SPIDR: variants seen among roughly 807,000 people sequenced by gnomAD.
SPIDR encodes the protein DNA repair-scaffolding protein.
Under a neutral mutation model 104.6 loss-of-function variants are expected in SPIDR, and 93 were observed. The ratio of observed to expected loss-of-function variants is 0.89; its 90% CI spans 0.75 to 1.06. The LOEUF (loss-of-function observed/expected upper bound fraction) is 1.06, where lower values mean the gene tolerates loss of function less well. Ranked by LOEUF, SPIDR falls within the 50% of genes least tolerant of loss-of-function variation. SPIDR has a pLI of 0.00. For missense variants in SPIDR, 1,154 were observed against 1,111.2 expected, an observed-to-expected ratio of 1.04 and a Z score of -0.55; for synonymous variants, 431 against 416.9, an observed-to-expected ratio of 1.03 and a Z score of -0.41.
intron 5 of SPIDR, among the ~76,000 whole-genome samples, chr8:47,314,360 A>G (rs1266631732): frequency 6.6e-6 from 1 of 152,238 alleles, no homozygotes; most frequent in Admixed American, 6.5e-5. Flanking sequence ...AGCAGAATAT[A>G]AAACAAATGA....
At chr8:47,590,263 T>C (rs1401128358) in intron 8 of SPIDR, among the ~76,000 whole-genome samples, 2 of 152,162 alleles carry the variant, frequency 1.3e-5, no homozygotes, top group Admixed American at 1.3e-4. Flanking sequence ...GAACTTAGAT[T>C]ATTGATTTGA....
chr8:47,670,420 A>G (rs1169920258), intron 10 of SPIDR, among the ~76,000 whole-genome samples: 1 of 152,248 alleles, frequency 6.6e-6, no homozygotes, highest in African/African-American at 2.4e-5. Flanking sequence ...ACAAAACAAG[A>G]TTAGACTATG....
intron 1 of SPIDR, among the ~76,000 whole-genome samples, chr8:47,265,495 G>C (rs1228162137): frequency 6.6e-6 from 1 of 151,976 alleles, no homozygotes; most frequent in Non-Finnish European, 1.5e-5. Flanking sequence ...TGGCCTAGAG[G>C]TTGTCTTATT....
rs2080251077 is a variant in SPIDR at position 47,701,976 on chromosome 8, T to C, written c.1938T>C (p.Arg646=). ...TCCAGATGAATGATCTTGGTACCCGTTGCAGTTTCTATGCCACGGTGATTT... is the reference window on the plus strand; with the variant it reads ...TCCAGATGAATGATCTTGGTACCCGCTGCAGTTTCTATGCCACGGTGATTT... ...DILQMNDLGT[R]CSFYATVIYQ... The change falls in exon 14 of 20, where the codon CGT becomes CGC. Residue 646 remains arginine (R), a synonymous_variant. Transcript: ENST00000297423. The C allele has an allele frequency of 1.2e-6, 2 of 1,613,978 alleles. No homozygotes were observed. The highest frequency in any genetic ancestry group is 1.7e-6 in the Non-Finnish European group (2 of 1,179,998).
intron 5 of SPIDR, among the ~76,000 whole-genome samples, chr8:47,356,439 C>T (rs782012847): frequency 1.3e-5 from 2 of 152,064 alleles, no homozygotes; most frequent in African/African-American, 2.4e-5. Flanking sequence ...CCAAATATGT[C>T]TCCTGATATA....
chr8:47,430,101 G>A (rs1283071812), intron 7 of SPIDR, among the ~76,000 whole-genome samples: 1 of 152,142 alleles, frequency 6.6e-6, no homozygotes, highest in African/African-American at 2.4e-5. Flanking sequence ...ACACTGGTGA[G>A]CCTTCCCAGC....
chr8:47,653,965 G>C, intron 10 of SPIDR: 2 of 1,245,024 alleles, frequency 1.6e-6, no homozygotes, highest in Non-Finnish European at 2.1e-6. Flanking sequence ...GTTTCAGTTT[G>C]ACTTTGAAAA....
chr8:47,697,284 A>T (rs1047976504), intron 11 of SPIDR, among the ~76,000 whole-genome samples: 1 of 138,970 alleles, frequency 7.2e-6, no homozygotes, highest in African/African-American at 2.9e-5. Flanking sequence ...AGACCCTGTT[A>T]AAAAAAAAAA....
At chr8:47,685,339 G>C (rs1017150449) in intron 11 of SPIDR, among the ~76,000 whole-genome samples, 19 of 151,930 alleles carry the variant, frequency 1.3e-4, no homozygotes. Context: ...AGTAAGTCTA[G>C]AATTCAGTAA....
At chr8:47,475,244 G>A (rs531107057) in intron 8 of SPIDR, among the ~76,000 whole-genome samples, 1 of 152,308 alleles carries the variant, frequency 6.6e-6, no homozygotes, top group Admixed American at 6.5e-5. Context: ...GATCTGCTAG[G>A]AAGACAGGCT....
chr8:47,324,835 G>T (rs1359692060), intron 5 of SPIDR, among the ~76,000 whole-genome samples: 1 of 152,176 alleles, frequency 6.6e-6, no homozygotes, highest in Non-Finnish European at 1.5e-5. Context: ...TTCAATAACA[G>T]AACTTTATTT....
intron 5 of SPIDR, among the ~76,000 whole-genome samples, chr8:47,392,788 A>T (rs782646731): frequency 6.6e-6 from 1 of 152,232 alleles, no homozygotes; most frequent in African/African-American, 2.4e-5. Context: ...AAAATTAAAT[A>T]TGCCTATCCA....
intron 6 of SPIDR, among the ~76,000 whole-genome samples, chr8:47,405,120 C>T (rs1344497820): frequency 6.6e-5 from 10 of 151,974 alleles, no homozygotes; most frequent in Admixed American, 2.0e-4. Flanking sequence ...AACCAGACAC[C>T]GCATGTTCTC....
At chr8:47,338,403 A>G (rs782315752) in intron 5 of SPIDR, among the ~76,000 whole-genome samples, 1 of 152,250 alleles carries the variant, frequency 6.6e-6, no homozygotes, top group Admixed American at 6.5e-5. Context: ...TATATATTAC[A>G]GTGGAAGATG....
intron 5 of SPIDR, among the ~76,000 whole-genome samples, chr8:47,335,723 A>G (rs2049570572): frequency 6.6e-6 from 1 of 152,214 alleles, no homozygotes; most frequent in South Asian, 2.1e-4. Flanking sequence ...AGTGGGGATT[A>G]CAGGCGTGAG....
intron 5 of SPIDR, among the ~76,000 whole-genome samples, chr8:47,345,522 G>A (rs2051767974): frequency 1.3e-5 from 2 of 152,096 alleles, no homozygotes; most frequent in South Asian, 4.1e-4. Context: ...AGCTTGTTGG[G>A]GATGGCATTG....
At chr8:47,442,470 C>T (rs994995130) in intron 8 of SPIDR, among the ~76,000 whole-genome samples, 13 of 152,168 alleles carry the variant, frequency 8.5e-5, no homozygotes, top group Non-Finnish European at 1.8e-4. Context: ...TCTGCATTCA[C>T]GGAGTAGGGC....
chr8:47,603,947 T>C (rs1423007617), intron 10 of SPIDR, among the ~76,000 whole-genome samples: 3 of 152,230 alleles, frequency 2.0e-5, no homozygotes, highest in Non-Finnish European at 4.4e-5. Flanking sequence ...ATGTTGTATA[T>C]TTATTCCTTC....
intron 4 of SPIDR, among the ~76,000 whole-genome samples, chr8:47,292,378 A>G (rs2040070514): frequency 6.6e-6 from 1 of 152,192 alleles, no homozygotes; most frequent in Admixed American, 6.6e-5. Context: ...TTAAGATTGT[A>G]TATAAGCTGA....
Sources: gnomAD v4.1 joint callset for allele counts (sites outside exome capture counted in the v4.1 genomes callset) on GRCh38, gnomAD v4.1.1 for gene constraint, MANE v1.5 for transcripts, NCBI Gene and HGNC (gene_info 2026-07-23, HGNC 2026-07-21) for gene names.